Variants in PSMD4 observed in about 807,000 individuals in gnomAD.
The protein encoded by PSMD4 is proteasome 26S subunit ubiquitin receptor, non-ATPase 4, also known as 26S proteasome non-ATPase regulatory subunit 4.
A neutral mutation model predicts 39.7 loss-of-function variants in PSMD4; 5 were observed. The observed-to-expected ratio is 0.13, with a 90% confidence interval of 0.07 to 0.26. The LOEUF is 0.26. PSMD4 is among the 10% of genes least tolerant of loss of function. The pLI, the probability that PSMD4 is intolerant of heterozygous loss-of-function variation, is 1.00. For missense variants in PSMD4, 272 were observed against 486.1 expected, an observed-to-expected ratio of 0.56 and a Z score of 4.14; for synonymous variants, 143 against 174.6, an observed-to-expected ratio of 0.82 and a Z score of 1.43.
At chr1:151,264,998 A>G (rs1693396914) in intron 4 of PSMD4, 80 bp downstream of exon 4, 1 of 1,397,722 alleles carries the variant, frequency 7.2e-7, no homozygotes, top group Non-Finnish European at 1.0e-6. Context: ...AGAACCTGGC[A>G]GAGGCATCAG....
chr1:151,261,822 G>C (rs183762822), intron 1 of PSMD4, among the ~76,000 whole-genome samples: 168 of 152,012 alleles, frequency 1.1e-3, no homozygotes, highest in African/African-American at 4.0e-3. Context: ...CTGCGTGGTG[G>C]CTTGCACCTA....
intron 2 of PSMD4, 120 bp from the exon 3 acceptor site, chr1:151,263,794 C>A: frequency 1.6e-6 from 1 of 635,960 alleles, no homozygotes; most frequent in Non-Finnish European, 2.6e-6. Context: ...TCACGCCACG[C>A]ACTCCAGCCT....
At chr1:151,260,699 C>T (rs1294434647) in intron 1 of PSMD4, among the ~76,000 whole-genome samples, 1 of 151,964 alleles carries the variant, frequency 6.6e-6, no homozygotes, top group Non-Finnish European at 1.5e-5. Context: ...CCACGCCCGG[C>T]TAACTTTTAT....
chr1:151,265,257 G>A, intron 5 of PSMD4, 23 bp downstream of exon 5: 2 of 1,607,646 alleles, frequency 1.2e-6, no homozygotes, highest in Non-Finnish European at 8.5e-7. Flanking sequence ...TGATTGGAGG[G>A]CATTGACTTA....
chr1:151,256,587 C>T (rs1178504599), intron 1 of PSMD4, among the ~76,000 whole-genome samples: 1 of 148,312 alleles, frequency 6.7e-6, no homozygotes, highest in East Asian at 2.0e-4. Flanking sequence ...TACAGGTGCC[C>T]GCCACCACGC....
At chr1:151,262,325 G>T in intron 2 of PSMD4, 24 bp downstream of exon 2, 1 of 1,614,028 alleles carries the variant, frequency 6.2e-7, no homozygotes, top group South Asian at 1.1e-5. Flanking sequence ...AGGAGGAGGG[G>T]ACTCAGTAGG....
chr1:151,263,746 G>T (rs1693367879), intron 2 of PSMD4, 168 bp from the exon 3 acceptor site: 1 of 401,580 alleles, frequency 2.5e-6, no homozygotes, highest in East Asian at 4.7e-5. Context: ...CAGGAGAATG[G>T]CGTGAACCCG....
At chr1:151,263,337 A>C (rs2101839070) in intron 2 of PSMD4, among the ~76,000 whole-genome samples, 1 of 151,992 alleles carries the variant, frequency 6.6e-6, no homozygotes, top group South Asian at 2.1e-4. Context: ...GGTGGTGTAG[A>C]TCTGTAATCC....
intron 1 of PSMD4, among the ~76,000 whole-genome samples, chr1:151,257,289 T>C (rs1693197752): frequency 6.6e-6 from 1 of 152,180 alleles, no homozygotes; most frequent in Non-Finnish European, 1.5e-5. Context: ...TTCTGTCCCA[T>C]TGGTCTCTGT....
intron 1 of PSMD4, among the ~76,000 whole-genome samples, chr1:151,260,931 G>A (rs144144336): frequency 1.3e-5 from 2 of 149,054 alleles, no homozygotes; most frequent in African/African-American, 2.5e-5. Flanking sequence ...CTGCAACCTC[G>A]GCCTCCCGGG....
chr1:151,264,122 C>G, intron 3 of PSMD4, 94 bp downstream of exon 3: 1 of 995,582 alleles, frequency 1.0e-6, no homozygotes, highest in Non-Finnish European at 1.5e-6. Flanking sequence ...GAGCTAGGAC[C>G]AGAGCAAGAG....
Position 151,265,623 on chromosome 1 carries a change from G to T in PSMD4, c.654+14G>T. 1 of 1,612,266 alleles carries T rather than the reference G, an allele frequency of 6.2e-7. No homozygotes were observed. The highest frequency in any genetic ancestry group is 1.1e-5 in the South Asian group (1 of 91,002). Reference sequence around the variant, plus strand: ...GAGCTGGCCTTGGTGAGCAAATGTTGACCCCAGGTAGAGTCCAAAGGTCCC... The same window carrying T: ...GAGCTGGCCTTGGTGAGCAAATGTTTACCCCAGGTAGAGTCCAAAGGTCCC... On this transcript the variant is annotated intron_variant, in intron 6 of 9. Coordinates refer to ENST00000368884, the MANE Select transcript of PSMD4 (RefSeq NM_002810.4).
At chr1:151,261,963 A>AG (rs1693330647) in intron 1 of PSMD4, among the ~76,000 whole-genome samples, 198 bp from the exon 2 acceptor site, 1 of 151,488 alleles carries the variant, frequency 6.6e-6, no homozygotes, top group Non-Finnish European at 1.5e-5. Context: ...TCAAAAAAAA[A>AG]AAAAAAAAAA....
intron 1 of PSMD4, among the ~76,000 whole-genome samples, chr1:151,256,398 T>A (rs1249706246): frequency 4.7e-5 from 7 of 147,372 alleles, no homozygotes; most frequent in South Asian, 2.1e-4. Flanking sequence ...TAAATAAAAA[T>A]AAAGTGTCTG....
chr1:151,265,966 G>A (rs753025319), intron 6 of PSMD4, 38 bp from the exon 7 acceptor site: 2 of 1,535,148 alleles, frequency 1.3e-6, no homozygotes, highest in South Asian at 2.6e-5. Context: ...GTAGGAGTGA[G>A]GGCAGGGGAG....
At chr1:151,263,528 TA>T (rs1268249304) in intron 2 of PSMD4, among the ~76,000 whole-genome samples, 1 of 151,416 alleles carries the variant, frequency 6.6e-6, no homozygotes, top group African/African-American at 2.4e-5. Context: ...TCCAGGTCTT[TA>T]AAGAAAAGTC....
intron 1 of PSMD4, among the ~76,000 whole-genome samples, chr1:151,258,663 A>G (rs587614658): frequency 1.3e-5 from 2 of 151,752 alleles, no homozygotes; most frequent in Non-Finnish European, 2.9e-5. Context: ...GTTTTGTCAT[A>G]TTGATTAGGC....
rs976011582 is a variant in PSMD4 at position 151,258,430 on chromosome 1, A to G, written c.26+3622A>G. Among the ~76,000 whole-genome samples the G allele has an allele frequency of 2.1e-5, 3 of 141,692 alleles. No homozygotes were observed. The Admixed American group carries it at 2.2e-4, about 10-fold the overall frequency. 93.0% of individuals were successfully genotyped at this position (141,692 alleles called of 152,430 possible). A position where few individuals can be genotyped will look rare whatever the true frequency, so the allele number is the denominator to read the frequency against. On this transcript the variant is annotated intron_variant, in intron 1 of 9. Coordinates refer to ENST00000368884, the MANE Select transcript of PSMD4 (RefSeq NM_002810.4). Reference sequence around the variant, plus strand: ...GATGTGACTGCCTTGCACATGTGCCATTGTATTACCCTTTTCGAGTGTTTT... The same window carrying G: ...GATGTGACTGCCTTGCACATGTGCCGTTGTATTACCCTTTTCGAGTGTTTT...
intron 4 of PSMD4, 84 bp downstream of exon 4, chr1:151,265,002 G>A: frequency 7.2e-7 from 1 of 1,386,718 alleles, no homozygotes; most frequent in Non-Finnish European, 1.0e-6. Flanking sequence ...CCTGGCAGAG[G>A]CATCAGGCTC....
Sources: allele counts gnomAD v4.1 joint callset (sites outside exome capture counted in the v4.1 genomes callset), GRCh38; gene constraint gnomAD v4.1.1; transcripts MANE v1.5; gene names NCBI Gene and HGNC (gene_info 2026-07-23, HGNC 2026-07-21).